Variants in JMJD1C observed in about 807,000 individuals in gnomAD.
The protein encoded by JMJD1C is jumonji domain containing 1C.
A neutral mutation model predicts 245.3 loss-of-function variants in JMJD1C; 31 were observed. That is an observed-to-expected ratio of 0.13 (90% CI 0.09 to 0.17). JMJD1C has a LOEUF of 0.17. Ranked by LOEUF, JMJD1C falls within the 10% of genes least tolerant of loss-of-function variation. The pLI is 1.00. For missense variants in JMJD1C, 2,691 were observed against 3,000.2 expected (o/e 0.90, Z 2.41); for synonymous variants, 1,057 against 1,017.4 (o/e 1.04, Z -0.74).
intron 3 of JMJD1C, among the ~76,000 whole-genome samples, chr10:63,255,362 G>A (rs981710274): frequency 6.6e-6 from 1 of 152,108 alleles, no homozygotes; most frequent in East Asian, 1.9e-4. Context: ...GTAAAGGAGC[G>A]GGGACAGGTA....
intron 20 of JMJD1C, 90 bp downstream of exon 20, chr10:63,185,473 C>CA (rs1370040566): frequency 2.6e-6 from 2 of 773,532 alleles, no homozygotes; most frequent in African/African-American, 3.5e-5. Context: ...AAAAAGCCTA[C>CA]AGGTCACATT....
chr10:63,386,093 GACAC>G (rs147951202), intron 1 of JMJD1C, among the ~76,000 whole-genome samples: 2 of 150,168 alleles, frequency 1.3e-5, no homozygotes, highest in African/African-American at 2.4e-5. Context: ...CACATACACA[GACAC>G]ACACACACAC....
intron 3 of JMJD1C, among the ~76,000 whole-genome samples, chr10:63,236,002 G>T (rs915056506): frequency 2.6e-5 from 4 of 152,000 alleles, no homozygotes; most frequent in Admixed American, 2.0e-4. Context: ...GACTAGAAAT[G>T]GATATCATAA....
At chr10:63,254,406 A>G (rs749459408) in intron 3 of JMJD1C, among the ~76,000 whole-genome samples, 5 of 152,218 alleles carry the variant, frequency 3.3e-5, no homozygotes, top group Non-Finnish European at 7.3e-5. Flanking sequence ...TCTTTTATTT[A>G]GGAAAGATAT....
chr10:63,217,342 A>G lies in JMJD1C; in HGVS notation c.554-11T>C, dbSNP rs1848112685. On this transcript the variant is annotated splice_polypyrimidine_tract_variant and intron_variant, in intron 4 of 25. Coordinates refer to ENST00000399262, the MANE Select transcript of JMJD1C (RefSeq NM_032776.3). ...TTAAGGAATAAGGACCTTAAAAAAA[A>G]CACAAGAAACAGAAACATCTTAAAT... 1 of 1,551,594 alleles carries G rather than the reference A, an allele frequency of 6.4e-7. No individual in the cohort carries two copies. Among genetic ancestry groups the G allele is most frequent in the East Asian group, 2.3e-5 (1 of 43,862 alleles).
At chr10:63,368,073 T>G (rs568208949) in intron 2 of JMJD1C, among the ~76,000 whole-genome samples, 53 of 152,284 alleles carry the variant, frequency 3.5e-4, no homozygotes, top group Admixed American at 1.4e-3. Context: ...TAGTACAGAA[T>G]AGAAGCTGGG....
At chr10:63,349,212 G>A (rs1258334951) in intron 2 of JMJD1C, among the ~76,000 whole-genome samples, 1 of 148,716 alleles carries the variant, frequency 6.7e-6, no homozygotes. Context: ...AGAAGCAGAT[G>A]TTGGCATCAT....
At chr10:63,186,640 A>G (rs914158853) in intron 18 of JMJD1C, among the ~76,000 whole-genome samples, 8 of 152,186 alleles carry the variant, frequency 5.3e-5, no homozygotes, top group African/African-American at 1.9e-4. Flanking sequence ...ATAAATTCAA[A>G]TTCCCTCACA....
chr10:63,354,738 C>A (rs565979871), intron 2 of JMJD1C, among the ~76,000 whole-genome samples: 2 of 150,618 alleles, frequency 1.3e-5, no homozygotes, highest in African/African-American at 4.9e-5. Context: ...ACAGCAGCTG[C>A]GTGTGGTGGC....
At chr10:63,498,392 T>C (rs1954428478) in intron 1 of JMJD1C, among the ~76,000 whole-genome samples, 1 of 152,208 alleles carries the variant, frequency 6.6e-6, no homozygotes, top group Non-Finnish European at 1.5e-5. Flanking sequence ...ACTATTAAAA[T>C]GTTTTATTTT....
intron 3 of JMJD1C, among the ~76,000 whole-genome samples, chr10:63,257,639 T>C (rs1854146475): frequency 6.6e-6 from 1 of 152,366 alleles, no homozygotes; most frequent in East Asian, 1.9e-4. Flanking sequence ...ATATCACTTC[T>C]ACTTTCTGAG....
rs117522600 is a variant in JMJD1C, at chr10:63,258,128, A to T, written c.447+6523T>A. ...ATGTCTCTTATTGAGCAGTTTCTGT[A>T]CTATAAACTCTTTACTGTATCATTT... On this transcript the variant is annotated intron_variant, in intron 3 of 25. Coordinates refer to ENST00000399262, the MANE Select transcript of JMJD1C (RefSeq NM_032776.3). 3.5e-3 allele frequency among the ~76,000 whole-genome samples: 536 copies of T among 152,354 alleles called. 4 individuals carry two copies. Among genetic ancestry groups the T allele is most frequent in the South Asian group, 0.029 (141 of 4,830 alleles).
intron 2 of JMJD1C, among the ~76,000 whole-genome samples, chr10:63,277,862 G>A (rs775798080): frequency 6.8e-6 from 1 of 146,756 alleles, no homozygotes; most frequent in South Asian, 2.2e-4. Flanking sequence ...TCAGCCTCCC[G>A]AGTAGCTGGG....
intron 2 of JMJD1C, among the ~76,000 whole-genome samples, chr10:63,368,176 G>A (rs1275730398): frequency 1.3e-5 from 2 of 152,112 alleles, no homozygotes; most frequent in Admixed American, 6.5e-5. Flanking sequence ...TCAATTTGAG[G>A]GACAACTAGT....
intron 3 of JMJD1C, among the ~76,000 whole-genome samples, chr10:63,225,090 G>A (rs905669287): frequency 7.2e-5 from 11 of 151,738 alleles, no homozygotes; most frequent in African/African-American, 2.7e-4. Flanking sequence ...CCACTTAATG[G>A]CACAGTCTTC....
chr10:63,433,334 G>A (rs1387816911), intron 1 of JMJD1C, among the ~76,000 whole-genome samples: 1 of 152,122 alleles, frequency 6.6e-6, no homozygotes, highest in Non-Finnish European at 1.5e-5. Flanking sequence ...AACCTCAGGT[G>A]ATCCGCTCGC....
At chr10:63,208,828 T>G in intron 9 of JMJD1C, 27 bp from the exon 10 acceptor site, 1 of 1,524,410 alleles carries the variant, frequency 6.6e-7, no homozygotes, top group South Asian at 1.3e-5. Context: ...CAAATATTTC[T>G]GTAACCACTT....
At chr10:63,472,736 G>A (rs529398231) in intron 1 of JMJD1C, among the ~76,000 whole-genome samples, 177 of 152,248 alleles carry the variant, frequency 1.2e-3, no homozygotes, top group Non-Finnish European at 1.9e-3. Context: ...AATACTCTAT[G>A]TAGGTATTCT....
At chr10:63,191,422 T>C (rs990036517) in intron 16 of JMJD1C, among the ~76,000 whole-genome samples, 14 of 152,070 alleles carry the variant, frequency 9.2e-5, no homozygotes, top group African/African-American at 2.2e-4. Flanking sequence ...GCGTGAGCCA[T>C]TGTGCGCAGC....
Sources: allele counts gnomAD v4.1 joint callset (sites outside exome capture counted in the v4.1 genomes callset), GRCh38; gene constraint gnomAD v4.1.1; transcripts MANE v1.5; gene names NCBI Gene and HGNC (gene_info 2026-07-23, HGNC 2026-07-21).